The following TRDN variants were observed in gnomAD, a reference collection of about 807,000 sequenced individuals.
TRDN encodes triadin, also known as triadin in skeletal muscle.
A neutral mutation model predicts 149.7 loss-of-function variants in TRDN; 161 were observed. That is an observed-to-expected ratio of 1.08 (90% confidence interval 0.95 to 1.23). TRDN has a LOEUF of 1.23. TRDN is among the 50% of genes most tolerant of loss of function. TRDN has a pLI of 0.00. For synonymous variants in TRDN, 294 were observed against 250.5 expected (o/e 1.17, Z -1.64); for missense variants, 896 against 823.5 (o/e 1.09, Z -1.08).
At chr6:123,601,536 G>A (rs1784277943) in intron 1 of TRDN, among the ~76,000 whole-genome samples, 1 of 152,116 alleles carries the variant, frequency 6.6e-6, no homozygotes, top group Non-Finnish European at 1.5e-5. Flanking sequence ...CATGGCTCCA[G>A]TTACTCCACA....
intron 24 of TRDN, among the ~76,000 whole-genome samples, chr6:123,302,776 A>T (rs1328402162): frequency 1.3e-5 from 2 of 152,100 alleles, no homozygotes; most frequent in South Asian, 2.1e-4. Flanking sequence ...TTTAATGTGC[A>T]TATAAATGAC....
intron 20 of TRDN, among the ~76,000 whole-genome samples, chr6:123,363,190 CA>C (rs915087213): frequency 5.3e-5 from 8 of 150,410 alleles, no homozygotes; most frequent in African/African-American, 1.2e-4. Flanking sequence ...ATCTTAAAAA[CA>C]AAAAAAAATA....
At chr6:123,446,872 A>C (rs1452969599) in intron 10 of TRDN, among the ~76,000 whole-genome samples, 1 of 145,732 alleles carries the variant, frequency 6.9e-6, no homozygotes, top group African/African-American at 2.7e-5. Context: ...AAGGGAGAAG[A>C]CTTAGGGAAA....
intron 12 of TRDN, among the ~76,000 whole-genome samples, chr6:123,423,334 A>T (rs1773987098): frequency 6.6e-6 from 1 of 152,156 alleles, no homozygotes; most frequent in Non-Finnish European, 1.5e-5. Context: ...CTGAATTGAC[A>T]AATATATTTT....
intron 21 of TRDN, among the ~76,000 whole-genome samples, chr6:123,345,706 AATTT>A (rs1406729305): frequency 6.6e-6 from 1 of 152,026 alleles, no homozygotes; most frequent in African/African-American, 2.4e-5. Context: ...AGTATCTCTC[AATTT>A]ATTTAGTTTC....
chr6:123,400,243 G>T (rs1321882737), intron 12 of TRDN, among the ~76,000 whole-genome samples: 1 of 145,782 alleles, frequency 6.9e-6, no homozygotes, highest in Non-Finnish European at 1.5e-5. Flanking sequence ...TTCTGATTTA[G>T]CCATATTCTT....
chr6:123,301,329 G>C (rs1404345915), intron 24 of TRDN, among the ~76,000 whole-genome samples: 1 of 151,954 alleles, frequency 6.6e-6, no homozygotes, highest in Non-Finnish European at 1.5e-5. Context: ...AACTATCTGT[G>C]ACACTGTAAA....
In TRDN at chr6:123,416,595, C is replaced by T. The variant is rs559528055; in HGVS notation, c.1051+21468G>A. ...AATTCTTCATAGCAAGTATCATTCTCGGATATCATACTACATGCCCTTTAT... is the reference window on the plus strand; with the variant it reads ...AATTCTTCATAGCAAGTATCATTCTTGGATATCATACTACATGCCCTTTAT... On this transcript the variant is annotated intron_variant, in intron 12 of 40. Transcript: ENST00000334268. 1.1e-4 allele frequency among the ~76,000 whole-genome samples: 17 copies of T among 152,234 alleles called. 1 individual carries two copies. Among genetic ancestry groups the T allele is most frequent in the African/African-American group, 3.4e-4 (14 of 41,556 alleles).
chr6:123,596,667 A>T (rs1784053105), intron 1 of TRDN, among the ~76,000 whole-genome samples: 2 of 152,084 alleles, frequency 1.3e-5, no homozygotes, highest in African/African-American at 2.4e-5. Flanking sequence ...CCATTCTGAC[A>T]AACCCAAGGC....
At chr6:123,339,346 G>A (rs1779986584) in intron 21 of TRDN, among the ~76,000 whole-genome samples, 1 of 152,022 alleles carries the variant, frequency 6.6e-6, no homozygotes, top group Non-Finnish European at 1.5e-5. Context: ...TTTTTAAGCT[G>A]AGAATGGTTC....
intron 4 of TRDN, among the ~76,000 whole-genome samples, chr6:123,545,127 CTAAA>C (rs1253059824): frequency 1.3e-5 from 2 of 151,796 alleles, no homozygotes; most frequent in African/African-American, 4.8e-5. Context: ...TAAAAAATGA[CTAAA>C]TATTATTGAA....
At chr6:123,527,998 T>C (rs925970853) in intron 5 of TRDN, among the ~76,000 whole-genome samples, 8 of 151,956 alleles carry the variant, frequency 5.3e-5, no homozygotes, top group African/African-American at 1.9e-4. Flanking sequence ...GGTTATCATT[T>C]AAAAGGCATA....
At chr6:123,219,690 T>C (rs1306185194) in intron 40 of TRDN, among the ~76,000 whole-genome samples, 1 of 151,784 alleles carries the variant, frequency 6.6e-6, no homozygotes. Flanking sequence ...GTTTGAAGAA[T>C]CTTGAATTTA....
At chr6:123,479,708 C>T (rs765629598) in intron 9 of TRDN, among the ~76,000 whole-genome samples, 11 of 151,996 alleles carry the variant, frequency 7.2e-5, no homozygotes, top group Non-Finnish European at 1.5e-4. Flanking sequence ...TTCAAAAGAG[C>T]ATAGGGGACA....
Position 123,620,251 on chromosome 6 carries a change from G to C in TRDN, c.22+16503C>G, listed in dbSNP as rs1231423994. Among the ~76,000 whole-genome samples the C allele has an allele frequency of 2.6e-5, 4 of 152,134 alleles. No individual in the cohort carries two copies. The South Asian group carries it at 8.3e-4, about 32-fold the overall frequency. ...TGTGTCAGAATGATCTAAAAGGTTT[G>C]TTAGAACACAGATCACTAGGCCATA... is the stretch of plus-strand genomic sequence containing the variant. On this transcript the variant is annotated intron_variant, in intron 1 of 40. Transcript: ENST00000334268.
chr6:123,503,848 C>T lies in TRDN; in HGVS notation c.664G>A (p.Val222Met). The change falls in exon 8 of 41, where the codon GTG becomes ATG. Residue 222 changes from valine (V) to methionine (M), a missense_variant. Transcript: ENST00000334268. The stretch of plus-strand genomic sequence containing the variant: ...ACTTTCTCCTGTTTTCCACCTTTCA[C>T]TTCCTTTTTAGTCTTTTCTTCACTC... The part of the protein sequence containing the change: ...EKSEEKTKKE[V>M]KGGKQEKVKQ... 1.3e-6 allele frequency: 2 copies of T among 1,597,112 alleles called. No individual in the cohort carries two copies. Among genetic ancestry groups the T allele is most frequent in the Non-Finnish European group, 1.7e-6 (2 of 1,170,432 alleles).
chr6:123,303,623 G>A (rs771792330), intron 24 of TRDN, among the ~76,000 whole-genome samples: 1 of 152,168 alleles, frequency 6.6e-6, no homozygotes, highest in East Asian at 1.9e-4. Context: ...GAAAGGGGAA[G>A]ATTCAAAAGA....
At chr6:123,300,367 T>A (rs1008022894) in intron 24 of TRDN, among the ~76,000 whole-genome samples, 7 of 152,034 alleles carry the variant, frequency 4.6e-5, no homozygotes, top group Non-Finnish European at 1.0e-4. Flanking sequence ...TTAACAAGAT[T>A]AACTATCTGA....
chr6:123,353,442 G>A (rs1425903478), intron 20 of TRDN, among the ~76,000 whole-genome samples: 2 of 151,810 alleles, frequency 1.3e-5, no homozygotes, highest in Non-Finnish European at 2.9e-5. Context: ...GAGATGCCGT[G>A]TAGCATATAC....
Sources: gnomAD v4.1 joint callset for allele counts (sites outside exome capture counted in the v4.1 genomes callset) on GRCh38, gnomAD v4.1.1 for gene constraint, MANE v1.5 for transcripts, NCBI Gene and HGNC (gene_info 2026-07-23, HGNC 2026-07-21) for gene names.